The following PCDH9 variants were observed in gnomAD, a reference collection of about 807,000 sequenced individuals.
PCDH9 encodes protocadherin-9.
PCDH9 carries 24 observed loss-of-function variants against 70.6 expected under a neutral mutation model. The observed-to-expected ratio is 0.34, with a 90% CI of 0.25 to 0.48. The LOEUF (loss-of-function observed/expected upper bound fraction) is 0.48. PCDH9 is among the 20% of genes least tolerant of loss of function. The probability of loss-of-function intolerance (pLI) is 0.99; values close to 1 mark genes in which losing one functional copy is unlikely to be tolerated. For missense variants in PCDH9, 1,281 were observed against 1,503.6 expected (o/e 0.85, Z 2.45); for synonymous variants, 562 against 558.5 (o/e 1.01, Z -0.09).
intron 3 of PCDH9, among the ~76,000 whole-genome samples, chr13:66,692,532 A>G (rs1196364831): frequency 6.6e-6 from 1 of 152,084 alleles, no homozygotes; most frequent in Non-Finnish European, 1.5e-5. Context: ...ATATTTAATT[A>G]CAATTCCAAT....
At chr13:66,975,206 C>T (rs2083594114) in intron 2 of PCDH9, among the ~76,000 whole-genome samples, 1 of 151,936 alleles carries the variant, frequency 6.6e-6, no homozygotes, top group South Asian at 2.1e-4. Flanking sequence ...AAGCAGAAAT[C>T]TAAATGACCT....
chr13:67,063,638 T>C (rs1431562836), intron 2 of PCDH9, among the ~76,000 whole-genome samples: 2 of 152,146 alleles, frequency 1.3e-5, no homozygotes, highest in African/African-American at 4.8e-5. Flanking sequence ...TTTAATTCGT[T>C]GCTTTAAAAA....
At chr13:66,706,599 T>C (rs2078714613) in intron 3 of PCDH9, among the ~76,000 whole-genome samples, 1 of 152,082 alleles carries the variant, frequency 6.6e-6, no homozygotes. Flanking sequence ...ATCTACAAAG[T>C]CACAACCTAA....
chr13:67,171,505 CA>C (rs1278281225), intron 2 of PCDH9, among the ~76,000 whole-genome samples: 3 of 152,166 alleles, frequency 2.0e-5, no homozygotes, highest in Non-Finnish European at 4.4e-5. Flanking sequence ...AGCCTTGAAA[CA>C]AACCATTGAG....
At chr13:66,776,313 C>G (rs1189186128) in intron 3 of PCDH9, among the ~76,000 whole-genome samples, 2 of 150,298 alleles carry the variant, frequency 1.3e-5, no homozygotes, top group Non-Finnish European at 3.0e-5. Context: ...AAAGGGTATT[C>G]AATTAGGAAA....
chr13:67,149,571 G>C (rs1254169906), intron 2 of PCDH9, among the ~76,000 whole-genome samples: 2 of 151,890 alleles, frequency 1.3e-5, no homozygotes, highest in Non-Finnish European at 2.9e-5. Flanking sequence ...ACATTAAAGG[G>C]AAAATAAAAC....
chr13:66,887,068 CA>C (rs2082017487), intron 3 of PCDH9, among the ~76,000 whole-genome samples: 3 of 149,312 alleles, frequency 2.0e-5, no homozygotes, highest in African/African-American at 7.4e-5. Flanking sequence ...CACACACACA[CA>C]CACACACACC....
intron 2 of PCDH9, among the ~76,000 whole-genome samples, chr13:67,038,966 T>C (rs879319539): frequency 2.0e-5 from 3 of 152,192 alleles, no homozygotes; most frequent in African/African-American, 4.8e-5. Flanking sequence ...CTTGGAACTT[T>C]TGACCCCACC....
At chr13:66,687,702 C>A (rs1593895662) in intron 3 of PCDH9, among the ~76,000 whole-genome samples, 1 of 152,014 alleles carries the variant, frequency 6.6e-6, no homozygotes, top group African/African-American at 2.4e-5. Context: ...CATTTTTACC[C>A]CTTACTCCCT....
At chr13:67,199,983 C>A (rs9317649) in intron 2 of PCDH9, among the ~76,000 whole-genome samples, 11,369 of 151,996 alleles carry the variant, frequency 0.075, 498 homozygotes, top group Middle Eastern at 0.14. Context: ...ACCAAACTAG[C>A]AAATAGGGCA....
At chr13:66,528,888 T>G (rs1270366726) in intron 4 of PCDH9, among the ~76,000 whole-genome samples, 1 of 152,100 alleles carries the variant, frequency 6.6e-6, no homozygotes, top group Admixed American at 6.6e-5. Context: ...ATGAATGTGT[T>G]TTTTAAAAAA....
intron 2 of PCDH9, among the ~76,000 whole-genome samples, chr13:67,129,122 TTC>T (rs1353065572): frequency 4.6e-5 from 7 of 152,190 alleles, no homozygotes; most frequent in Admixed American, 3.3e-4. Context: ...CTTGTTATAT[TTC>T]TGTTTTATGC....
intron 2 of PCDH9, among the ~76,000 whole-genome samples, chr13:66,996,442 G>C (rs778660767): frequency 6.6e-6 from 1 of 151,958 alleles, no homozygotes; most frequent in East Asian, 1.9e-4. Flanking sequence ...GGGTGGGTGA[G>C]GTAGGCCTCA....
At chr13:67,025,302 T>C (rs920494626) in intron 2 of PCDH9, among the ~76,000 whole-genome samples, 3 of 152,122 alleles carry the variant, frequency 2.0e-5, no homozygotes, top group African/African-American at 4.8e-5. Flanking sequence ...ACTGGACAAA[T>C]ATAATAAAAC....
intron 4 of PCDH9, among the ~76,000 whole-genome samples, chr13:66,454,424 A>G (rs1015887686): frequency 6.6e-6 from 1 of 152,190 alleles, no homozygotes; most frequent in African/African-American, 2.4e-5. Context: ...TTCCTTCTCC[A>G]TCTACCCAAA....
At chr13:67,058,276 A>C (rs2085462064) in intron 2 of PCDH9, among the ~76,000 whole-genome samples, 1 of 152,158 alleles carries the variant, frequency 6.6e-6, no homozygotes, top group Admixed American at 6.6e-5. Flanking sequence ...ACATCATCCA[A>C]GAAAAAGTTC....
chr13:66,449,995 GA>G (rs1342654643), intron 4 of PCDH9, among the ~76,000 whole-genome samples: 4 of 152,058 alleles, frequency 2.6e-5, no homozygotes, highest in Non-Finnish European at 5.9e-5. Context: ...AATTGCTTTG[GA>G]AAATGTCATT....
intron 2 of PCDH9, among the ~76,000 whole-genome samples, chr13:67,083,969 GC>G (rs532973130): frequency 1.0e-3 from 152 of 152,232 alleles, no homozygotes; most frequent in Non-Finnish European, 1.7e-3. Flanking sequence ...TCTAGTATAT[GC>G]CAAACAGAGC....
At chr13:66,371,927 A>C (rs1241170095) in intron 4 of PCDH9, among the ~76,000 whole-genome samples, 1 of 152,056 alleles carries the variant, frequency 6.6e-6, no homozygotes, top group Non-Finnish European at 1.5e-5. Context: ...TGTGATCTTC[A>C]GGCTCAACTA....
Sources: gnomAD v4.1 joint callset for allele counts (sites outside exome capture counted in the v4.1 genomes callset) on GRCh38, gnomAD v4.1.1 for gene constraint, MANE v1.5 for transcripts, NCBI Gene and HGNC (gene_info 2026-07-23, HGNC 2026-07-21) for gene names.